ABI3BP: variants seen among roughly 807,000 people sequenced by gnomAD.
The protein encoded by ABI3BP is ABI family member 3 binding protein, also known as target of Nesh-SH3.
In ABI3BP, 216 loss-of-function variants were observed where a neutral mutation model predicts 268.6. The ratio of observed to expected loss-of-function variants is 0.80; its 90% CI spans 0.72 to 0.90. The LOEUF (loss-of-function observed/expected upper bound fraction) is 0.90. ABI3BP is among the 40% of genes least tolerant of loss of function. The pLI is 0.00. For synonymous variants in ABI3BP, 730 were observed against 730.0 expected, an observed-to-expected ratio of 1.00 and a Z score of 0.00; for missense variants, 2,090 against 2,182.4, an observed-to-expected ratio of 0.96 and a Z score of 0.84.
chr3:100,907,555 T>C (rs147979337), intron 2 of ABI3BP, among the ~76,000 whole-genome samples: 1 of 152,064 alleles, frequency 6.6e-6, no homozygotes, highest in African/African-American at 2.4e-5. Flanking sequence ...TTAGTAACAA[T>C]GGTGATTTCT....
chr3:100,815,575 G>A (rs1392045044), intron 44 of ABI3BP, among the ~76,000 whole-genome samples: 2 of 152,100 alleles, frequency 1.3e-5, no homozygotes, highest in Non-Finnish European at 2.9e-5. Context: ...GGAGTTCATG[G>A]TACTTAATTG....
rs548772401 is a variant in ABI3BP at position 100,774,564 on chromosome 3, T to C, written c.4531+41A>G. On this transcript the variant is annotated intron_variant, in intron 61 of 67. Coordinates refer to ENST00000471714, the MANE Select transcript of ABI3BP (RefSeq NM_001375547.2). ...AACTGGCTGATACACCTACCAAAAA[T>C]GGCCTTTTCAAATGTGAGATTCACA... 44 of 1,471,246 alleles carry C rather than the reference T, an allele frequency of 3.0e-5. 1 individual carries two copies. The South Asian group carries it at 5.3e-4, about 18-fold the overall frequency. 91.1% of individuals were successfully genotyped at this position (1,471,246 alleles called of 1,614,324 possible).
At chr3:100,821,176 T>C (rs2098209339) in intron 38 of ABI3BP, 63 bp from the exon 39 acceptor site, 2 of 1,401,068 alleles carry the variant, frequency 1.4e-6, no homozygotes, top group Non-Finnish European at 2.0e-6. Flanking sequence ...TCAAAACTTT[T>C]CTTCAAAAAT....
rs1332621140 is a variant in ABI3BP at position 100,752,951 on chromosome 3, A to G, written c.4961-3T>C. The G allele has an allele frequency of 1.2e-6, 2 of 1,608,026 alleles. No homozygotes were observed. Among genetic ancestry groups the G allele is most frequent in the Admixed American group, 1.7e-5 (1 of 58,902 alleles). On this transcript the variant is annotated splice_region_variant and splice_polypyrimidine_tract_variant and intron_variant, in intron 65 of 67. Transcript: ENST00000471714. ...AGTCCAGATGGCATCTCTTCCTGCT[A>G]CAAAAGGAAAATAGTTTGAGTTTAG...
chr3:100,843,885 T>C (rs2098738000), intron 20 of ABI3BP: 2 of 984,952 alleles, frequency 2.0e-6, no homozygotes, highest in African/African-American at 3.5e-5. Flanking sequence ...TTGCATCTTT[T>C]AGACTTCACA....
intron 31 of ABI3BP, 74 bp from the exon 32 acceptor site, chr3:100,830,708 C>CA: frequency 7.9e-7 from 1 of 1,268,348 alleles, no homozygotes; most frequent in Non-Finnish European, 1.1e-6. Flanking sequence ...ATCTTACCAC[C>CA]AAAAATCGGA....
intron 1 of ABI3BP, among the ~76,000 whole-genome samples, chr3:100,973,122 C>T (rs944870697): frequency 2.0e-5 from 3 of 152,132 alleles, no homozygotes; most frequent in Admixed American, 6.6e-5. Flanking sequence ...AGTTTCTGAG[C>T]ACAAGAAGGC....
rs147667609 is a variant in ABI3BP at position 100,904,852 on chromosome 3, G to A, written c.260-2166C>T. Among the ~76,000 whole-genome samples, 126 of 152,306 alleles carry A rather than the reference G, an allele frequency of 8.3e-4. 1 individual carries two copies. In the East Asian group the frequency reaches 0.012, roughly 14 times the overall value. ...TTCAACCATTATGGAAGTCAGTCTGGTGATTCCTCAGGGATCTAGAACTAG... is the reference window on the plus strand; with the variant it reads ...TTCAACCATTATGGAAGTCAGTCTGATGATTCCTCAGGGATCTAGAACTAG... On this transcript the variant is annotated intron_variant, in intron 2 of 67. Transcript: ENST00000471714.
intron 42 of ABI3BP, 52 bp downstream of exon 42, chr3:100,817,384 G>T: frequency 8.0e-7 from 1 of 1,256,650 alleles, no homozygotes; most frequent in Non-Finnish European, 1.1e-6. Context: ...ATGATGGAAT[G>T]GATTTGAAAA....
intron 66 of ABI3BP, 88 bp downstream of exon 66, chr3:100,752,699 A>C: frequency 1.4e-6 from 2 of 1,450,822 alleles, no homozygotes; most frequent in East Asian, 4.6e-5. Flanking sequence ...TTCGTGCCTG[A>C]AACTCTTAAG....
intron 6 of ABI3BP, 137 bp from the exon 7 acceptor site, chr3:100,876,697 T>A (rs1433586405): frequency 1.4e-6 from 1 of 704,628 alleles, no homozygotes; most frequent in Non-Finnish European, 2.4e-6. Flanking sequence ...TAGTTGCTGG[T>A]GGCGGGGCGT....
chr3:100,869,208 C>T (rs1011184210), intron 9 of ABI3BP, among the ~76,000 whole-genome samples: 5 of 151,694 alleles, frequency 3.3e-5, no homozygotes, highest in Admixed American at 3.3e-4. Context: ...ATCACATTAG[C>T]CTAAAATCAG....
intron 52 of ABI3BP, among the ~76,000 whole-genome samples, 174 bp downstream of exon 52, chr3:100,796,235 G>GGA (rs1382893242): frequency 2.6e-5 from 4 of 151,822 alleles, no homozygotes; most frequent in African/African-American, 9.7e-5. Flanking sequence ...ACTTCACCAA[G>GGA]GAAAAATATT....
intron 1 of ABI3BP, among the ~76,000 whole-genome samples, chr3:100,976,249 G>A (rs1311772399): frequency 1.3e-5 from 2 of 151,890 alleles, no homozygotes. Context: ...TCTGGTTTGG[G>A]GTTAGAAAAA....
At chr3:100,969,690 T>C (rs913982378) in intron 1 of ABI3BP, among the ~76,000 whole-genome samples, 3 of 152,136 alleles carry the variant, frequency 2.0e-5, no homozygotes, top group Non-Finnish European at 4.4e-5. Context: ...AAAAAAATCA[T>C]GTTTTTTTGA....
intron 34 of ABI3BP, among the ~76,000 whole-genome samples, chr3:100,826,411 C>T (rs1579229438): frequency 6.6e-6 from 1 of 152,104 alleles, no homozygotes; most frequent in African/African-American, 2.4e-5. Flanking sequence ...TGGTCATCAT[C>T]TTTGGTCTCT....
chr3:100,918,045 A>G (rs1322475619), intron 2 of ABI3BP, among the ~76,000 whole-genome samples: 1 of 152,158 alleles, frequency 6.6e-6, no homozygotes, highest in Non-Finnish European at 1.5e-5. Context: ...TGGAGGAAAA[A>G]AAAATCAAAT....
Position 100,829,708 on chromosome 3 carries a change from G to A in ABI3BP, c.2459-44C>T, listed in dbSNP as rs138495665. 1,400 of 1,390,704 alleles carry A rather than the reference G, an allele frequency of 1.0e-3. 14 individuals carry two copies. In the African/African-American group the frequency reaches 0.017, roughly 17 times the overall value. The allele number at this position is 1,390,704 out of a possible 1,614,324, so 86.1% of individuals were successfully genotyped here. A position where few individuals can be genotyped will look rare whatever the true frequency, so the allele number is the denominator to read the frequency against. On this transcript the variant is annotated intron_variant, in intron 32 of 67. Transcript: ENST00000471714. ...AGGTTAATACAGCGTGTTTGGTTCC[G>A]GAAGCTGTGGATAAGATTATACTTG...
chr3:100,972,762 G>A (rs1054743628), intron 1 of ABI3BP, among the ~76,000 whole-genome samples: 9 of 152,156 alleles, frequency 5.9e-5, no homozygotes, highest in East Asian at 1.9e-4. Context: ...TTTATCCTAC[G>A]GAACAGAAGT....
Sources: gnomAD v4.1 joint callset for allele counts (sites outside exome capture counted in the v4.1 genomes callset) on GRCh38, gnomAD v4.1.1 for gene constraint, MANE v1.5 for transcripts, NCBI Gene and HGNC (gene_info 2026-07-23, HGNC 2026-07-21) for gene names.